The following CIZ1 variants were observed in gnomAD, a reference collection of about 807,000 sequenced individuals.
CIZ1 encodes cip1-interacting zinc finger protein.
A neutral mutation model predicts 118.6 loss-of-function variants in CIZ1; 58 were observed. That is an observed-to-expected ratio of 0.49 (90% confidence interval 0.40 to 0.61). The LOEUF (loss-of-function observed/expected upper bound fraction) is 0.61. Ranked by LOEUF, CIZ1 falls within the 20% of genes least tolerant of loss-of-function variation. CIZ1 has a pLI of 0.00. For synonymous variants in CIZ1, 448 were observed against 443.4 expected, an observed-to-expected ratio of 1.01 and a Z score of -0.13; for missense variants, 921 against 1,115.9, an observed-to-expected ratio of 0.83 and a Z score of 2.49.
Position 128,167,120 on chromosome 9 carries a change from C to T in CIZ1, c.2340G>A (p.Glu780=), listed in dbSNP as rs957561325. The part of the protein sequence containing the change: ...DISREEWKGS[E]TYSPNTAYGV... ...CATATGCAGTATTGGGGCTGTAGGTCTCCGAGCCCTTCCACTCCTCTCTGG... is the reference window on the plus strand; with the variant it reads ...CATATGCAGTATTGGGGCTGTAGGTTTCCGAGCCCTTCCACTCCTCTCTGG... Residue 780 remains glutamate, a synonymous_variant, in exon 15 of 17, where the codon GAG becomes GAA. Coordinates refer to ENST00000372938, the MANE Select transcript of CIZ1 (RefSeq NM_001131016.2). 6.2e-7 allele frequency: 1 copy of T among 1,602,990 alleles called. No homozygotes were observed. The highest frequency in any genetic ancestry group is 2.2e-5 in the East Asian group (1 of 44,720).
At chr9:128,192,925 G>A (rs1669664469), upstream of CIZ1, among the ~76,000 whole-genome samples, 1 of 152,182 alleles carries the variant, frequency 6.6e-6, no homozygotes, top group African/African-American at 2.4e-5. Flanking sequence ...CCTGCCTTCC[G>A]CGCCGACGTT....
upstream of CIZ1, chr9:128,191,789 G>A (rs1833189437): frequency 8.4e-6 from 12 of 1,432,780 alleles, no homozygotes; most frequent in Non-Finnish European, 1.1e-5. The surrounding 1 kb of genome is among the most constrained non-coding windows in gnomAD (Gnocchi z 5.5). Context: ...AGGTCCGTCT[G>A]CCGCCCGGAA....
chr9:128,180,777 G>A lies in CIZ1; in HGVS notation c.626C>T (p.Ser209Leu), dbSNP rs1246381225. The A allele has an allele frequency of 6.2e-7, 1 of 1,611,958 alleles. No individual in the cohort carries two copies. The highest frequency in any genetic ancestry group is 8.5e-7 in the Non-Finnish European group (1 of 1,179,542). ...SSQTMPVEDK[S>L]DPPEGSEEAA... ...TTCCTCAGACCCCTCTGGGGGGTCT[G>A]ACTTGTCTTCCACAGGCATTGTCTG... is the stretch of plus-strand genomic sequence containing the variant. Residue 209 changes from serine to leucine, a missense_variant, in exon 6 of 17, where the codon TCA becomes TTA. Physicochemically the swap from Ser to Leu is moderately radical, Grantham distance 145. Transcript: ENST00000372938.
chr9:128,202,981 G>A (rs1374587105), intron 1 of CIZ1: 1 of 152,144 alleles, frequency 6.6e-6, no homozygotes, highest in African/African-American at 2.4e-5. Flanking sequence ...ATCAGAGTCA[G>A]GATCTAGGGA....
At chr9:128,180,362 G>A in intron 7 of CIZ1, 53 bp downstream of exon 7, 1 of 1,368,598 alleles carries the variant, frequency 7.3e-7, no homozygotes, top group East Asian at 2.3e-5. Context: ...TGCCTTTGCA[G>A]GAATGAGAGC....
At chr9:128,191,841 TG>T, upstream of CIZ1, 1 of 1,477,176 alleles carries the variant, frequency 6.8e-7, no homozygotes, top group Non-Finnish European at 9.0e-7. This position sits in a 1 kb window ranked among gnomAD's most constrained non-coding sequence, Gnocchi z 5.5. Context: ...ACTTCCTTCC[TG>T]TTCCCAACCC....
At chr9:128,186,892 T>A (rs1006603776) in intron 4 of CIZ1, among the ~76,000 whole-genome samples, 52 of 151,882 alleles carry the variant, frequency 3.4e-4, no homozygotes, top group African/African-American at 1.1e-3. Flanking sequence ...GGCCCCAGCT[T>A]CCAATTATTC....
intron 5 of CIZ1, among the ~76,000 whole-genome samples, chr9:128,181,515 C>A (rs1193969037): frequency 6.6e-6 from 1 of 152,052 alleles, no homozygotes; most frequent in Admixed American, 6.5e-5. Flanking sequence ...TATGATAATC[C>A]TCACTCAATA....
At chr9:128,169,290 C>T in intron 13 of CIZ1, 89 bp from the exon 14 acceptor site, 2 of 1,403,050 alleles carry the variant, frequency 1.4e-6, no homozygotes, top group Non-Finnish European at 2.0e-6. Context: ...CTGAGAGTCC[C>T]AATCCCTCCA....
rs764275201 is a variant in CIZ1, at chr9:128,179,023, T to TGCTGCA, written c.1178_1183dup (p.Leu393_Gln394dup). On this transcript the variant is annotated inframe_insertion, in exon 8 of 17. Transcript: ENST00000372938. ...CACCTGCTTCAGCGGCTCTGCCTCCTGCTGCAGCTGCACCTGCCTTGGGCC... is the reference window on the plus strand; with the variant it reads ...CACCTGCTTCAGCGGCTCTGCCTCCTGCTGCAGCTGCAGCTGCACCTGCCTTGGGCC... The TGCTGCA allele has an allele frequency of 2.7e-5, 43 of 1,612,524 alleles. No individual in the cohort carries two copies. In the Admixed American group the frequency reaches 6.8e-4, roughly 26 times the overall value.
At chr9:128,178,579 C>T (rs1831164529) in intron 8 of CIZ1, 89 bp from the exon 9 acceptor site, 2 of 1,602,336 alleles carry the variant, frequency 1.2e-6, no homozygotes, top group South Asian at 2.2e-5. Context: ...AGGCCCCCAG[C>T]ATGGATGGCC....
intron 3 of CIZ1, 46 bp from the exon 4 acceptor site, chr9:128,187,980 T>C (rs1219620976): frequency 3.4e-6 from 2 of 595,242 alleles, no homozygotes; most frequent in Admixed American, 2.2e-5. Flanking sequence ...CCATAAAACA[T>C]CCATCCCCCC....
At chr9:128,180,034 T>C (rs1831374688) in intron 7 of CIZ1, among the ~76,000 whole-genome samples, 2 of 152,210 alleles carry the variant, frequency 1.3e-5, no homozygotes, top group South Asian at 4.1e-4. Context: ...CAAACTCCTT[T>C]GGCTGTCTAG....
At chr9:128,188,726 T>C (rs1832754248) in intron 3 of CIZ1, among the ~76,000 whole-genome samples, 1 of 152,138 alleles carries the variant, frequency 6.6e-6, no homozygotes, top group South Asian at 2.1e-4. Context: ...CCCCGCCTCC[T>C]GGGTTCAGCA....
chr9:128,192,021 G>C, upstream of CIZ1: 1 of 882,560 alleles, frequency 1.1e-6, no homozygotes, highest in Non-Finnish European at 1.6e-6. Context: ...GGGGTGGAGG[G>C]AGAGTCCCCC....
intron 5 of CIZ1, among the ~76,000 whole-genome samples, chr9:128,184,329 A>G (rs1413271062): frequency 1.3e-5 from 2 of 152,188 alleles, no homozygotes; most frequent in African/African-American, 4.8e-5. Flanking sequence ...CTCATTTTTT[A>G]TATTGATGAC....
chr9:128,192,396 A>T (rs984825577), upstream of CIZ1, among the ~76,000 whole-genome samples: 1 of 151,710 alleles, frequency 6.6e-6, no homozygotes, highest in Non-Finnish European at 1.5e-5. Context: ...TTTTAAAAAG[A>T]AAAGGAGAGG....
Position 128,203,437 on chromosome 9 carries a change from A to AGCCGGATCGCAGCCTGCGGG in CIZ1, c.-6+729_-6+748dup, listed in dbSNP as rs752254892. ...AGTCGGAGCCGGGAGCGCTAGCGGC[A>AGCCGGATCGCAGCCTGCGGG]GCCGGATCGCAGCCTGCGGGGCCCG... On this transcript the variant is annotated intron_variant, in intron 1 of 17. Transcript: ENST00000372948. The surrounding 1 kb of genome is among the most constrained non-coding windows in gnomAD (Gnocchi z 5.3). 36 of 1,433,626 alleles carry AGCCGGATCGCAGCCTGCGGG rather than the reference A, an allele frequency of 2.5e-5. No individual in the cohort carries two copies. The South Asian group carries it at 4.7e-4, about 19-fold the overall frequency. 88.8% of individuals were successfully genotyped at this position (1,433,626 alleles called of 1,614,324 possible). A position where few individuals can be genotyped will look rare whatever the true frequency, so the allele number is the denominator to read the frequency against.
chr9:128,177,747 C>A lies in CIZ1; in HGVS notation c.1637G>T (p.Gly546Val). 1 of 1,594,368 alleles carries A rather than the reference C, an allele frequency of 6.3e-7. No individual in the cohort carries two copies. Among genetic ancestry groups the A allele is most frequent in the Admixed American group, 1.7e-5 (1 of 57,970 alleles). The change falls in exon 10 of 17, where the codon GGC becomes GTC. Residue 546 changes from glycine (G) to valine (V), a missense_variant. Coordinates refer to ENST00000372938, the MANE Select transcript of CIZ1 (RefSeq NM_001131016.2). ...REMPGVWGAG[G>V]SLKVTILQSS... ...CTGCAGAATGGTGACCTTCAGGGAG[C>A]CCCCGGCGCCCCATACCTGCATGGG...
Sources: allele counts gnomAD v4.1 joint callset (sites outside exome capture counted in the v4.1 genomes callset), GRCh38; gene constraint gnomAD v4.1.1; non-coding constraint Gnocchi (gnomAD v3.1); transcripts MANE v1.5; gene names NCBI Gene and HGNC (gene_info 2026-07-23, HGNC 2026-07-21).